Variants in MAP3K4 observed in about 807,000 individuals in gnomAD.
MAP3K4 encodes mitogen-activated protein kinase kinase kinase 4.
A neutral mutation model predicts 185.6 loss-of-function variants in MAP3K4; 67 were observed. The observed-to-expected ratio is 0.36, with a 90% CI of 0.30 to 0.44. The LOEUF (loss-of-function observed/expected upper bound fraction) is 0.44. MAP3K4 is among the 20% of genes least tolerant of loss of function. The pLI is 1.00. For missense variants in MAP3K4, 1,551 were observed against 1,995.1 expected (o/e 0.78, Z 4.24); for synonymous variants, 702 against 710.4 (o/e 0.99, Z 0.19).
rs1209816861 is a variant in MAP3K4, at chr6:161,114,416, A to T, written c.4627-707A>T. Among the ~76,000 whole-genome samples the T allele has an allele frequency of 6.6e-6, 1 of 152,232 alleles. No homozygotes were observed. The highest frequency in any genetic ancestry group is 1.5e-5 in the Non-Finnish European group (1 of 68,038). ...GAAATCAGTTAATTATAATGTAGCT[A>T]TGCCTTGCAGCTGCTGAAACAGATC... On this transcript the variant is annotated intron_variant, in intron 25 of 26. Coordinates refer to ENST00000392142, the MANE Select transcript of MAP3K4 (RefSeq NM_005922.4). This position sits in a 1 kb window ranked among gnomAD's most constrained non-coding sequence, Gnocchi z 4.3.
At chr6:161,047,242 A>C (rs2114756100) in intron 2 of MAP3K4, among the ~76,000 whole-genome samples, 1 of 147,574 alleles carries the variant, frequency 6.8e-6, no homozygotes, top group South Asian at 2.2e-4. Context: ...GGAATTTGGG[A>C]CCAGCTTAGG....
intron 1 of MAP3K4, among the ~76,000 whole-genome samples, chr6:161,021,453 C>G (rs1782384049): frequency 6.6e-6 from 1 of 152,226 alleles, no homozygotes; most frequent in Non-Finnish European, 1.5e-5. Context: ...TACCTTCTGT[C>G]TTAGCAGCCC....
intron 1 of MAP3K4, among the ~76,000 whole-genome samples, chr6:161,028,745 GATTA>G (rs1221152030): frequency 4.6e-5 from 7 of 151,964 alleles, no homozygotes; most frequent in Admixed American, 2.6e-4. Flanking sequence ...AAATAAGCAA[GATTA>G]GTTAGGTTTG....
intron 7 of MAP3K4, among the ~76,000 whole-genome samples, chr6:161,085,745 C>T (rs1009883317): frequency 6.6e-6 from 1 of 152,056 alleles, no homozygotes; most frequent in Non-Finnish European, 1.5e-5. Flanking sequence ...TCAAAATAAC[C>T]CCAAGCATGT....
At chr6:161,104,157 G>A (rs1395203275) in intron 19 of MAP3K4, among the ~76,000 whole-genome samples, 2 of 152,162 alleles carry the variant, frequency 1.3e-5, no homozygotes, top group African/African-American at 2.4e-5. Context: ...GTTCACGCCT[G>A]TAATCCCAGC....
chr6:160,997,171 C>T (rs73591465), intron 1 of MAP3K4, among the ~76,000 whole-genome samples: 3,733 of 152,056 alleles, frequency 0.025, 177 homozygotes, highest in African/African-American at 0.086. Flanking sequence ...CTCAGTGGTA[C>T]GGTACATTTT....
intron 1 of MAP3K4, among the ~76,000 whole-genome samples, chr6:161,003,296 T>C (rs1307821035): frequency 3.3e-5 from 5 of 152,188 alleles, no homozygotes; most frequent in East Asian, 1.9e-4. Flanking sequence ...TAATGAGGTA[T>C]AGATCGCTTA....
rs923863744 is a variant in MAP3K4, at chr6:161,107,603, G to C, written c.4049-296G>C. 6.6e-6 allele frequency among the ~76,000 whole-genome samples: 1 copy of C among 152,122 alleles called. No homozygotes were observed. The highest frequency in any genetic ancestry group is 1.5e-5 in the Non-Finnish European group (1 of 68,006). On this transcript the variant is annotated intron_variant, in intron 20 of 26. Coordinates refer to ENST00000392142, the MANE Select transcript of MAP3K4 (RefSeq NM_005922.4). This position sits in a 1 kb window ranked among gnomAD's most constrained non-coding sequence, Gnocchi z 6.2. Reference sequence around the variant, plus strand: ...GAGGGGTGTGAGGGCTCAGAGGTGTGCACCAAGGCTGCTTTTATTGGTCAT... The same window carrying C: ...GAGGGGTGTGAGGGCTCAGAGGTGTCCACCAAGGCTGCTTTTATTGGTCAT...
Position 161,107,292 on chromosome 6 carries a change from T to C in MAP3K4, c.4048+587T>C, listed in dbSNP as rs1203939633. 6.6e-6 allele frequency among the ~76,000 whole-genome samples: 1 copy of C among 152,132 alleles called. No homozygotes were observed. The highest frequency in any genetic ancestry group is 1.5e-5 in the Non-Finnish European group (1 of 68,014). On this transcript the variant is annotated intron_variant, in intron 20 of 26. Coordinates refer to ENST00000392142, the MANE Select transcript of MAP3K4 (RefSeq NM_005922.4). This position sits in a 1 kb window ranked among gnomAD's most constrained non-coding sequence, Gnocchi z 6.2. ...CTAGGTCTGAAGGGGGCGAACACAGTTGTATGAATAATATGGGACTTTGTC... is the reference window on the plus strand; with the variant it reads ...CTAGGTCTGAAGGGGGCGAACACAGCTGTATGAATAATATGGGACTTTGTC...
chr6:160,991,844 C>A lies in MAP3K4; in HGVS notation c.-88C>A, dbSNP rs1268799054. 5.9e-6 allele frequency: 8 copies of A among 1,357,610 alleles called. No homozygotes were observed. In the South Asian group the frequency reaches 1.3e-4, roughly 23 times the overall value. The allele number at this position is 1,357,610 out of a possible 1,614,324, so 84.1% of individuals were successfully genotyped here. ...GGCGGGGTAGAGGCGGAGGCGGAGT[C>A]GAGTCACTCCCGCACTTCGGGGCTC... On this transcript the variant is annotated 5_prime_UTR_variant, in exon 1 of 27. Transcript: ENST00000392142. This position sits in a 1 kb window ranked among gnomAD's most constrained non-coding sequence, Gnocchi z 5.7.
Position 161,043,059 on chromosome 6 carries a change from T to C in MAP3K4, c.344-5557T>C, listed in dbSNP as rs1008877252. Reference sequence around the variant, plus strand: ...TAGTGAAATTAGAATGTTTGCTTTTTAAAGAATATCATACTGATGTAAAAT... The same window carrying C: ...TAGTGAAATTAGAATGTTTGCTTTTCAAAGAATATCATACTGATGTAAAAT... On this transcript the variant is annotated intron_variant, in intron 2 of 26. Transcript: ENST00000392142. The surrounding 1 kb of genome is among the most constrained non-coding windows in gnomAD (Gnocchi z 4.3). Among the ~76,000 whole-genome samples, 3 of 152,228 alleles carry C rather than the reference T, an allele frequency of 2.0e-5. No individual in the cohort carries two copies. Among genetic ancestry groups the C allele is most frequent in the African/African-American group, 7.2e-5 (3 of 41,456 alleles).
chr6:161,080,164 C>T lies in MAP3K4; in HGVS notation c.2098-717C>T, dbSNP rs1785380517. 6.6e-6 allele frequency among the ~76,000 whole-genome samples: 1 copy of T among 152,092 alleles called. No homozygotes were observed. Among genetic ancestry groups the T allele is most frequent in the Admixed American group, 6.5e-5 (1 of 15,272 alleles). ...GAATGTGTGACTCAAATATCTCCTACCCCGTCAAGCTATTCTTTTAAGTAA... is the reference window on the plus strand; with the variant it reads ...GAATGTGTGACTCAAATATCTCCTATCCCGTCAAGCTATTCTTTTAAGTAA... On this transcript the variant is annotated intron_variant, in intron 5 of 26. Transcript: ENST00000392142. This position sits in a 1 kb window ranked among gnomAD's most constrained non-coding sequence, Gnocchi z 4.8.
chr6:161,035,582 T>G (rs1243262249), intron 2 of MAP3K4, among the ~76,000 whole-genome samples: 1 of 152,222 alleles, frequency 6.6e-6, no homozygotes, highest in Non-Finnish European at 1.5e-5. Context: ...AAGATACTTC[T>G]TATAAAATTT....
At position 161,098,766 on chromosome 6, in the gene MAP3K4, A is replaced by G. The variant is rs191064871; in HGVS notation, c.3674+339A>G. Among the ~76,000 whole-genome samples, 26 of 152,348 alleles carry G rather than the reference A, an allele frequency of 1.7e-4. No homozygotes were observed. Among genetic ancestry groups the G allele is most frequent in the African/African-American group, 6.3e-4 (26 of 41,584 alleles). On this transcript the variant is annotated intron_variant, in intron 17 of 26. Transcript: ENST00000392142. This position sits in a 1 kb window ranked among gnomAD's most constrained non-coding sequence, Gnocchi z 4.4. The stretch of plus-strand genomic sequence containing the variant: ...TGCCTCACAGAGAGAGCCTGGAGTC[A>G]CAAGGTGGTTAAAAGATGGCATCTA...
At position 161,039,173 on chromosome 6, in the gene MAP3K4, C is replaced by T. The variant is rs1031512603; in HGVS notation, c.343+4724C>T. On this transcript the variant is annotated intron_variant, in intron 2 of 26. Transcript: ENST00000392142. Reference sequence around the variant, plus strand: ...GGTACCAGGTCGGGTTTGTAGGTTACTTTGGGAAGTTAACTGCTACATGCA... The same window carrying T: ...GGTACCAGGTCGGGTTTGTAGGTTATTTTGGGAAGTTAACTGCTACATGCA... 2.0e-4 allele frequency among the ~76,000 whole-genome samples: 30 copies of T among 147,696 alleles called. 1 individual carries two copies. Among genetic ancestry groups the T allele is most frequent in the South Asian group, 2.1e-4 (1 of 4,682 alleles).
intron 1 of MAP3K4, among the ~76,000 whole-genome samples, chr6:160,994,054 T>G (rs374532410): frequency 1.5e-4 from 23 of 152,304 alleles, no homozygotes; most frequent in Middle Eastern, 3.4e-3. Flanking sequence ...GTTGTTCATT[T>G]GAACTTTTTT....
chr6:161,053,069 G>T lies in MAP3K4; in HGVS notation c.1707+3090G>T, dbSNP rs1317021076. On this transcript the variant is annotated intron_variant, in intron 3 of 26. Transcript: ENST00000392142. The surrounding 1 kb of genome is among the most constrained non-coding windows in gnomAD (Gnocchi z 4.2). ...TGCCTGAGACTGGGTAATTAATAAA[G>T]AAAAGAGGTTTAATTGGCTTATGGT... Among the ~76,000 whole-genome samples the T allele has an allele frequency of 6.6e-6, 1 of 152,176 alleles. No individual in the cohort carries two copies. The highest frequency in any genetic ancestry group is 6.5e-5 in the Admixed American group (1 of 15,280).
chr6:161,098,067 A>G lies in MAP3K4; in HGVS notation c.3525-211A>G, dbSNP rs1485913183. ...GCGCCACTGCACTCCAGCCTGGACA[A>G]CAGGGTGCGATGCTGTCTCAAAAAA... is the stretch of plus-strand genomic sequence containing the variant. On this transcript the variant is annotated intron_variant, in intron 16 of 26. Coordinates refer to ENST00000392142, the MANE Select transcript of MAP3K4 (RefSeq NM_005922.4). The surrounding 1 kb of genome is among the most constrained non-coding windows in gnomAD (Gnocchi z 4.4). Among the ~76,000 whole-genome samples the G allele has an allele frequency of 2.6e-5, 4 of 152,216 alleles. No individual in the cohort carries two copies. Among genetic ancestry groups the G allele is most frequent in the African/African-American group, 9.7e-5 (4 of 41,448 alleles).
intron 1 of MAP3K4, among the ~76,000 whole-genome samples, chr6:161,028,759 G>A (rs2100128344): frequency 6.6e-6 from 1 of 152,050 alleles, no homozygotes; most frequent in South Asian, 2.1e-4. Flanking sequence ...AGTTAGGTTT[G>A]TAAAGACCCT....
Sources: allele counts gnomAD v4.1 joint callset (sites outside exome capture counted in the v4.1 genomes callset), GRCh38; gene constraint gnomAD v4.1.1; non-coding constraint Gnocchi (gnomAD v3.1); transcripts MANE v1.5; gene names NCBI Gene and HGNC (gene_info 2026-07-23, HGNC 2026-07-21).